The following TCEAL3 variants were observed in gnomAD, a reference collection of about 807,000 sequenced individuals.
TCEAL3 encodes the protein transcription elongation factor A like 3.
For synonymous variants in TCEAL3, 41 were observed against 60.2 expected (o/e 0.68, Z 1.48); for missense variants, 99 against 156.4 (o/e 0.63, Z 1.96).
rs1237947417 is a variant in TCEAL3 at position 103,608,050 on chromosome X, T to G, written c.-106T>G. The G allele has an allele frequency of 8.9e-6, 1 of 112,789 alleles. No individual in the cohort carries two copies. Among genetic ancestry groups the G allele is most frequent in the Non-Finnish European group, 1.9e-5 (1 of 53,174 alleles). The allele number at this position is 112,789 out of a possible 1,213,427, so 9.3% of individuals were successfully genotyped here. On this transcript the variant is annotated 5_prime_UTR_variant, in exon 1 of 3. Coordinates refer to ENST00000372627, the MANE Select transcript of TCEAL3 (RefSeq NM_032926.3). ...GGAGAAGGCACAGGCCTGTCCCGGG[T>G]CCCGGCAGGTCAGTGTGAAGGTGGG... is the stretch of plus-strand genomic sequence containing the variant.
Position 103,609,659 on chromosome X carries a change from T to C in TCEAL3, c.595T>C (p.Tyr199His). ...RGQRGLHDIP[Y>H]L Reference sequence around the variant, plus strand: ...CCAGAGGGGCTTACACGATATCCCATACCTTTAATGCCTTTGGCCTTCCAT... The same window carrying C: ...CCAGAGGGGCTTACACGATATCCCACACCTTTAATGCCTTTGGCCTTCCAT... Residue 199 changes from tyrosine to histidine, a missense_variant, in exon 3 of 3, where the codon TAC (tyrosine) becomes CAC (histidine). Coordinates refer to ENST00000372627, the MANE Select transcript of TCEAL3 (RefSeq NM_032926.3). 8.3e-7 allele frequency: 1 copy of C among 1,209,751 alleles called. No homozygotes were observed. The highest frequency in any genetic ancestry group is 1.1e-6 in the Non-Finnish European group (1 of 894,206).
Position 103,609,720 on chromosome X carries a change from T to C in TCEAL3, c.*53T>C, listed in dbSNP as rs1437333691. ...CTGATGAGAATATTGCTGGCCCTGC[T>C]TTCCCTGGTAGGTATTTGCCAGGCC... On this transcript the variant is annotated 3_prime_UTR_variant, in exon 3 of 3. Transcript: ENST00000372627. The C allele has an allele frequency of 1.9e-5, 22 of 1,177,916 alleles. No individual in the cohort carries two copies. The Admixed American group carries it at 3.7e-4, about 20-fold the overall frequency.
chrX:103,608,576 C>A, intron 1 of TCEAL3, 28 bp from the exon 2 acceptor site: 1 of 537,072 alleles, frequency 1.9e-6, no homozygotes, highest in Non-Finnish European at 2.9e-6. Context: ...CTGCGCAGCC[C>A]CTACCCCTGT....
chrX:103,608,658 TC>T lies in TCEAL3; in HGVS notation c.-41del. ...AGGCCTAAAAAGGAGGAGCAACCTG[TC>T]CAGAATCCCTGCAGGTCTGTGAAGG... On this transcript the variant is annotated 5_prime_UTR_variant, in exon 2 of 3. Transcript: ENST00000372627. 1 of 626,149 alleles carries T rather than the reference TC, an allele frequency of 1.6e-6. No individual in the cohort carries two copies. The highest frequency in any genetic ancestry group is 2.5e-6 in the Non-Finnish European group (1 of 403,445). The allele number at this position is 626,149 out of a possible 1,213,427, so 51.6% of individuals were successfully genotyped here. A position where few individuals can be genotyped will look rare whatever the true frequency, so the allele number is the denominator to read the frequency against.
chrX:103,608,822 A>G (rs2073641839), intron 2 of TCEAL3, 149 bp downstream of exon 2: 1 of 517,651 alleles, frequency 1.9e-6, no homozygotes, highest in East Asian at 3.7e-5. Flanking sequence ...AGTGCAGAGA[A>G]GGTGGCAGGG....
intron 2 of TCEAL3, among the ~76,000 whole-genome samples, 164 bp from the exon 3 acceptor site, chrX:103,608,874 C>T (rs2073642133): frequency 8.9e-6 from 1 of 112,811 alleles, no homozygotes; most frequent in Admixed American, 9.2e-5. Context: ...GGAGGAGTGG[C>T]AGGCTACGTG....
intron 1 of TCEAL3, among the ~76,000 whole-genome samples, chrX:103,608,269 C>CG (rs747366691): frequency 2.7e-5 from 3 of 112,615 alleles, no homozygotes; most frequent in South Asian, 3.6e-4. Context: ...AAATGGAGTA[C>CG]GGGGGGGCAA....
chrX:103,609,518 G>C lies in TCEAL3; in HGVS notation c.454G>C (p.Glu152Gln). Residue 152 changes from glutamate to glutamine, a missense_variant, in exon 3 of 3, where the codon GAG (glutamate) becomes CAG (glutamine). By Grantham distance (29) the Glu-to-Gln change is conservative. Transcript: ENST00000372627. The part of the protein sequence containing the change: ...ECGDVSRAQE[E>Q]LRKKQKMGGF... Reference sequence around the variant, plus strand: ...TGGAGATGTGTCAAGGGCTCAAGAGGAGCTAAGGAAAAAACAGAAAATGGG... The same window carrying C: ...TGGAGATGTGTCAAGGGCTCAAGAGCAGCTAAGGAAAAAACAGAAAATGGG... The C allele has an allele frequency of 8.3e-7, 1 of 1,211,669 alleles. No individual in the cohort carries two copies. The highest frequency in any genetic ancestry group is 1.1e-6 in the Non-Finnish European group (1 of 895,514).
intron 1 of TCEAL3, 24 bp from the exon 2 acceptor site, chrX:103,608,580 C>T (rs1410898818): frequency 3.6e-6 from 2 of 555,991 alleles, no homozygotes; most frequent in Non-Finnish European, 5.5e-6. Flanking sequence ...GCAGCCCCTA[C>T]CCCTGTCTCC....
At chrX:103,608,083 G>A (rs2073637906) in intron 1 of TCEAL3, 25 bp downstream of exon 1, 2 of 113,309 alleles carry the variant, frequency 1.8e-5, no homozygotes, top group South Asian at 7.2e-4. Flanking sequence ...GGGCGCTGCC[G>A]GCGGAACCAC....
At position 103,607,975 on chromosome X, in the gene TCEAL3, G is replaced by C. The variant is rs1333978987; in HGVS notation, c.-181G>C. 8.8e-6 allele frequency: 1 copy of C among 113,220 alleles called. No individual in the cohort carries two copies. Among genetic ancestry groups the C allele is most frequent in the Non-Finnish European group, 1.9e-5 (1 of 53,246 alleles). 9.3% of individuals were successfully genotyped at this position (113,220 alleles called of 1,213,427 possible). Reference sequence around the variant, plus strand: ...TCCTGGCGCCCGCGCAGAACCAGCTGTCTGAGCTGCCCGGGCAGCGGGGGA... The same window carrying C: ...TCCTGGCGCCCGCGCAGAACCAGCTCTCTGAGCTGCCCGGGCAGCGGGGGA... On this transcript the variant is annotated 5_prime_UTR_variant, in exon 1 of 3. Coordinates refer to ENST00000372627, the MANE Select transcript of TCEAL3 (RefSeq NM_032926.3).
At position 103,609,173 on chromosome X, in the gene TCEAL3, G is replaced by A. The variant is rs774483314; in HGVS notation, c.109G>A (p.Asp37Asn). 8.3e-7 allele frequency: 1 copy of A among 1,211,959 alleles called. No individual in the cohort carries two copies. The highest frequency in any genetic ancestry group is 3.0e-5 in the East Asian group (1 of 33,832). Residue 37 changes from aspartate (D) to asparagine (N), a missense_variant, in exon 3 of 3, where the codon GAC becomes AAC. Transcript: ENST00000372627. ...EGKSDEEEKPDVEGKTECEGK... is the reference protein window; with the variant it reads ...EGKSDEEEKPNVEGKTECEGK... ...AAAGTCAGACGAGGAAGAAAAGCCA[G>A]ACGTGGAGGGGAAGACAGAATGCGA... is the stretch of plus-strand genomic sequence containing the variant.
rs1282338345 is a variant in TCEAL3, at chrX:103,609,609, G to A, written c.545G>A (p.Arg182Lys). ...PFAPRGQRGV[R>K]GVRGGGRGQR... is the part of the protein sequence containing the mutation. Reference sequence around the variant, plus strand: ...GCCCCAAGGGGACAACGGGGTGTCAGGGGAGTGAGGGGTGGAGGTAGGGGC... The same window carrying A: ...GCCCCAAGGGGACAACGGGGTGTCAAGGGAGTGAGGGGTGGAGGTAGGGGC... The change falls in exon 3 of 3, where the codon AGG (arginine) becomes AAG (lysine). Residue 182 changes from arginine (R) to lysine (K), a missense_variant. Transcript: ENST00000372627. 9 of 1,209,954 alleles carry A rather than the reference G, an allele frequency of 7.4e-6. No individual in the cohort carries two copies. The highest frequency in any genetic ancestry group is 1.0e-5 in the Non-Finnish European group (9 of 895,246).
At chrX:103,608,776 C>T (rs2073641608) in intron 2 of TCEAL3, 103 bp downstream of exon 2, 1 of 454,798 alleles carries the variant, frequency 2.2e-6, no homozygotes, top group Non-Finnish European at 3.6e-6. Flanking sequence ...TGCCCATCCC[C>T]CACTCACATG....
At chrX:103,608,799 A>G in intron 2 of TCEAL3, 126 bp downstream of exon 2, 1 of 481,232 alleles carries the variant, frequency 2.1e-6, no homozygotes, top group Non-Finnish European at 3.4e-6. Context: ...CACACACCTT[A>G]CCAGGCTGAA....
Position 103,609,355 on chromosome X carries a change from C to G in TCEAL3, c.291C>G (p.Ala97=). 2 of 1,211,327 alleles carry G rather than the reference C, an allele frequency of 1.7e-6. No homozygotes were observed. Among genetic ancestry groups the G allele is most frequent in the Non-Finnish European group, 2.2e-6 (2 of 895,454 alleles). Residue 97 remains alanine (A), a synonymous_variant, in exon 3 of 3, where the codon GCC becomes GCG. Transcript: ENST00000372627. Reference sequence around the variant, plus strand: ...AGCCAGAGAGCCAGCCGCGGGCCGCCGAAAAGCGCCCGGCTGAAGATTATG... The same window carrying G: ...AGCCAGAGAGCCAGCCGCGGGCCGCGGAAAAGCGCCCGGCTGAAGATTATG... The part of the protein sequence containing the change: ...QAKPESQPRA[A]EKRPAEDYVP...
chrX:103,608,748 G>A (rs1192348651), intron 2 of TCEAL3, 75 bp downstream of exon 2: 1 of 446,869 alleles, frequency 2.2e-6, no homozygotes, highest in Non-Finnish European at 3.7e-6. Flanking sequence ...GGCCCGGCCA[G>A]GGCCGAACTG....
Position 103,608,676 on chromosome X carries a change from C to A in TCEAL3, c.-28+3C>A. 1 of 588,032 alleles carries A rather than the reference C, an allele frequency of 1.7e-6. No individual in the cohort carries two copies. The highest frequency in any genetic ancestry group is 2.2e-5 in the African/African-American group (1 of 44,611). The allele number at this position is 588,032 out of a possible 1,213,427, so 48.5% of individuals were successfully genotyped here. ...CAACCTGTCCAGAATCCCTGCAGGT[C>A]TGTGAAGGTGGTTGTGGGGGAGCTC... On this transcript the variant is annotated splice_donor_region_variant and intron_variant, in intron 2 of 2. Transcript: ENST00000372627.
At chrX:103,608,708 C>T (rs1012684464) in intron 2 of TCEAL3, 35 bp downstream of exon 2, 2 of 512,924 alleles carry the variant, frequency 3.9e-6, no homozygotes, top group Admixed American at 6.3e-5. Context: ...GCTCAATGGA[C>T]AGGGCCCTAT....
Sources: gnomAD v4.1 joint callset for allele counts (sites outside exome capture counted in the v4.1 genomes callset) on GRCh38, gnomAD v4.1.1 for gene constraint, MANE v1.5 for transcripts, NCBI Gene and HGNC (gene_info 2026-07-23, HGNC 2026-07-21) for gene names.